Variants in GRIK4 observed in about 807,000 individuals in gnomAD.
GRIK4 encodes the protein glutamate ionotropic receptor kainate type subunit 4, also known as glutamate receptor ionotropic, kainate 4.
A neutral mutation model predicts 104.9 loss-of-function variants in GRIK4; 40 were observed. The observed-to-expected ratio is 0.38, with a 90% CI of 0.30 to 0.50. The LOEUF (loss-of-function observed/expected upper bound fraction) is 0.50. Ranked by LOEUF, GRIK4 falls within the 20% of genes least tolerant of loss-of-function variation. The pLI is 0.93. For missense variants in GRIK4, 1,047 were observed against 1,308.1 expected, an observed-to-expected ratio of 0.80 and a Z score of 3.08; for synonymous variants, 485 against 524.9, an observed-to-expected ratio of 0.92 and a Z score of 1.04.
intron 13 of GRIK4, among the ~76,000 whole-genome samples, chr11:120,909,467 C>A (rs779649249): frequency 1.1e-4 from 17 of 152,200 alleles, no homozygotes; most frequent in Non-Finnish European, 2.1e-4. Context: ...GTCCAGGGAT[C>A]CTGCCCAGAC....
Position 120,874,049 on chromosome 11 carries a change from T to G in GRIK4, c.907-17T>G, listed in dbSNP as rs1157990130. ...CCTCTCACTCCCTCCCTCCGCCTGC[T>G]CCCCGGCCTCTCCCAGCTCTCCTCG... On this transcript the variant is annotated splice_polypyrimidine_tract_variant and intron_variant, in intron 9 of 20. Transcript: ENST00000527524. The G allele has an allele frequency of 6.3e-7, 1 of 1,592,310 alleles. No individual in the cohort carries two copies. The highest frequency in any genetic ancestry group is 8.6e-7 in the Non-Finnish European group (1 of 1,162,512).
intron 3 of GRIK4, among the ~76,000 whole-genome samples, chr11:120,689,329 C>T (rs990481428): frequency 5.9e-5 from 9 of 152,112 alleles, no homozygotes; most frequent in African/African-American, 2.2e-4. Context: ...AAATGTTGAA[C>T]CCATGCTTTT....
At chr11:120,985,642 AGT>A (rs1378678398) in intron 20 of GRIK4, among the ~76,000 whole-genome samples, 1 of 94,366 alleles carries the variant, frequency 1.1e-5, no homozygotes, top group Non-Finnish European at 2.3e-5. Flanking sequence ...AAAAAAAAAA[AGT>A]GAGATCATTG....
intron 1 of GRIK4, among the ~76,000 whole-genome samples, chr11:120,545,203 C>G (rs970075861): frequency 6.6e-6 from 1 of 152,160 alleles, no homozygotes; most frequent in Non-Finnish European, 1.5e-5. Context: ...TCTTACTACA[C>G]GTCCTTATGT....
rs533901004 is a variant in GRIK4, at chr11:120,741,758, G to A, written c.83-60935G>A. 3.3e-5 allele frequency among the ~76,000 whole-genome samples: 5 copies of A among 152,208 alleles called. No homozygotes were observed. The South Asian group carries it at 8.3e-4, about 25-fold the overall frequency. On this transcript the variant is annotated intron_variant, in intron 3 of 20. Coordinates refer to ENST00000527524, the MANE Select transcript of GRIK4 (RefSeq NM_014619.5). ...TTCATGGATATCAGTATACATGCAC[G>A]CATACATGCACAGGCAAGCACAGAC...
At chr11:120,789,765 C>G (rs895132970) in intron 3 of GRIK4, among the ~76,000 whole-genome samples, 1 of 152,140 alleles carries the variant, frequency 6.6e-6, no homozygotes, top group Non-Finnish European at 1.5e-5. Context: ...CCAGTCACCA[C>G]ACACTGGAAC....
At chr11:120,633,575 AC>A (rs1175893009) in intron 1 of GRIK4, among the ~76,000 whole-genome samples, 14 of 152,284 alleles carry the variant, frequency 9.2e-5, no homozygotes, top group African/African-American at 3.1e-4. Context: ...GAAGCTTTTA[AC>A]TTTTATTGTT....
At chr11:120,971,084 T>A (rs971390096) in intron 19 of GRIK4, among the ~76,000 whole-genome samples, 2 of 152,208 alleles carry the variant, frequency 1.3e-5, no homozygotes, top group African/African-American at 4.8e-5. Flanking sequence ...TGGCAACGAA[T>A]TTTATTCCAA....
At chr11:120,537,088 C>A (rs1166350708) in intron 1 of GRIK4, among the ~76,000 whole-genome samples, 1 of 152,164 alleles carries the variant, frequency 6.6e-6, no homozygotes, top group African/African-American at 2.4e-5. Flanking sequence ...GGCAAGGGAG[C>A]CGAGACCTGT....
At chr11:120,528,038 A>G (rs61226783) in intron 1 of GRIK4, among the ~76,000 whole-genome samples, 51,676 of 152,180 alleles carry the variant, frequency 0.34, 9,642 homozygotes, top group African/African-American at 0.5. Context: ...ATTTGGGCTC[A>G]CTGCAGCCTC....
intron 11 of GRIK4, among the ~76,000 whole-genome samples, chr11:120,884,851 G>T (rs1334911319): frequency 6.6e-6 from 1 of 152,244 alleles, no homozygotes; most frequent in Non-Finnish European, 1.5e-5. Context: ...GGCAGAGCCG[G>T]GCCATGCTCA....
At chr11:120,648,362 C>T (rs565644696) in intron 1 of GRIK4, among the ~76,000 whole-genome samples, 8 of 152,320 alleles carry the variant, frequency 5.3e-5, no homozygotes, top group African/African-American at 1.9e-4. Flanking sequence ...CATGCCTGAC[C>T]CCCTTAGGAG....
intron 9 of GRIK4, chr11:120,869,111 T>G (rs1242304353): frequency 6.6e-6 from 1 of 152,364 alleles, no homozygotes. Flanking sequence ...GATTGGTGAC[T>G]GTGAGGAGAG....
intron 13 of GRIK4, among the ~76,000 whole-genome samples, chr11:120,933,584 C>T (rs1943525521): frequency 6.6e-6 from 1 of 152,146 alleles, no homozygotes; most frequent in Admixed American, 6.5e-5. Context: ...TAGTTCTAAG[C>T]CACACTGAAA....
chr11:120,517,137 C>T lies in GRIK4; in HGVS notation c.-159+5250C>T, dbSNP rs532132507. Among the ~76,000 whole-genome samples, 8 of 149,392 alleles carry T rather than the reference C, an allele frequency of 5.4e-5. No homozygotes were observed. The East Asian group carries it at 5.8e-4, about 11-fold the overall frequency. On this transcript the variant is annotated intron_variant, in intron 1 of 20. Transcript: ENST00000527524. The stretch of plus-strand genomic sequence containing the variant: ...GTGCCTGTCACCGCCGGGGACCGAG[C>T]GTGGAGCTGCCATCCAAATGGGCAG...
chr11:120,772,992 A>G (rs752090146), intron 3 of GRIK4, among the ~76,000 whole-genome samples: 5 of 152,236 alleles, frequency 3.3e-5, no homozygotes, highest in Non-Finnish European at 5.9e-5. Flanking sequence ...TTTGTTGAGC[A>G]TCTAGAGATT....
At chr11:120,687,717 T>G (rs1950297675) in intron 3 of GRIK4, among the ~76,000 whole-genome samples, 1 of 152,312 alleles carries the variant, frequency 6.6e-6, no homozygotes, top group Non-Finnish European at 1.5e-5. Flanking sequence ...AAGCCTGAAC[T>G]GAGTCCCTGC....
At chr11:120,772,347 T>C (rs1295343426) in intron 3 of GRIK4, among the ~76,000 whole-genome samples, 2 of 152,204 alleles carry the variant, frequency 1.3e-5, no homozygotes, top group Non-Finnish European at 2.9e-5. Flanking sequence ...ATTAGATGTC[T>C]AGTGAGGGCC....
At chr11:120,867,187 C>T (rs935807662) in intron 9 of GRIK4, among the ~76,000 whole-genome samples, 2 of 152,072 alleles carry the variant, frequency 1.3e-5, no homozygotes, top group African/African-American at 4.8e-5. Flanking sequence ...AGGAAGCTCA[C>T]GGCAGCGACA....
Sources: gnomAD v4.1 joint callset for allele counts (sites outside exome capture counted in the v4.1 genomes callset) on GRCh38, gnomAD v4.1.1 for gene constraint, MANE v1.5 for transcripts, NCBI Gene and HGNC (gene_info 2026-07-23, HGNC 2026-07-21) for gene names.